PTPRK: variants seen among roughly 807,000 people sequenced by gnomAD.
PTPRK encodes the protein receptor-type tyrosine-protein phosphatase kappa.
PTPRK carries 75 observed loss-of-function variants against 178.0 expected under a neutral mutation model. The ratio of observed to expected loss-of-function variants is 0.42; its 90% CI spans 0.35 to 0.51. The LOEUF (loss-of-function observed/expected upper bound fraction) is 0.51, where lower values mean the gene tolerates loss of function less well. PTPRK is among the 20% of genes least tolerant of loss of function. PTPRK has a pLI of 0.02. For synonymous variants in PTPRK, 637 were observed against 620.6 expected, an observed-to-expected ratio of 1.03 and a Z score of -0.39; for missense variants, 1,441 against 1,797.8, an observed-to-expected ratio of 0.80 and a Z score of 3.59.
intron 3 of PTPRK, among the ~76,000 whole-genome samples, chr6:128,284,971 G>C (rs1432740397): frequency 2.0e-5 from 3 of 150,400 alleles, no homozygotes; most frequent in African/African-American, 7.5e-5. Flanking sequence ...TTATGGGCTA[G>C]CATTGTGTTA....
At position 128,519,105 on chromosome 6, in the gene PTPRK, A is replaced by C. The variant is rs1858555780; in HGVS notation, c.100+1154T>G. On this transcript the variant is annotated intron_variant, in intron 1 of 29. Coordinates refer to ENST00000368226, the MANE Select transcript of PTPRK (RefSeq NM_002844.4). This position sits in a 1 kb window ranked among gnomAD's most constrained non-coding sequence, Gnocchi z 4.3. ...CCACTGCGTCTCCATCTGCACCGCGAACCCCAGCAGCAGATGCGCTCGCCA... is the reference window on the plus strand; with the variant it reads ...CCACTGCGTCTCCATCTGCACCGCGCACCCCAGCAGCAGATGCGCTCGCCA... 1.9e-6 allele frequency: 1 copy of C among 530,914 alleles called. No homozygotes were observed. The highest frequency in any genetic ancestry group is 1.4e-5 in the South Asian group (1 of 70,804). The allele number at this position is 530,914 out of a possible 1,614,324, so 32.9% of individuals were successfully genotyped here. A position where few individuals can be genotyped will look rare whatever the true frequency, so the allele number is the denominator to read the frequency against.
At chr6:128,398,945 G>A (rs746090802) in intron 1 of PTPRK, among the ~76,000 whole-genome samples, 36 of 152,104 alleles carry the variant, frequency 2.4e-4, no homozygotes, top group Non-Finnish European at 4.7e-4. Flanking sequence ...AGGCACACAC[G>A]ACTCAACATA....
chr6:128,218,220 C>T (rs1809700600), intron 6 of PTPRK, among the ~76,000 whole-genome samples: 1 of 152,182 alleles, frequency 6.6e-6, no homozygotes, highest in African/African-American at 2.4e-5. Flanking sequence ...TGGGTAGGGA[C>T]ATTGTATTAC....
chr6:128,322,222 G>A lies in PTPRK; in HGVS notation c.312C>T (p.His104=). The part of the protein sequence containing the change: ...QLPTMKENDT[H]CIDFSYLLYS... ...ATAATAGGTAACTGAAATCAATGCA[G>A]TGAGTGTCGTTCTCCTTCATTGTAG... The change falls in exon 3 of 30, where the codon CAC becomes CAT. Residue 104 remains histidine, a synonymous_variant. Coordinates refer to ENST00000368226, the MANE Select transcript of PTPRK (RefSeq NM_002844.4). 1.2e-6 allele frequency: 2 copies of A among 1,613,770 alleles called. No homozygotes were observed. Among genetic ancestry groups the A allele is most frequent in the Non-Finnish European group, 1.7e-6 (2 of 1,179,732 alleles).
chr6:128,448,532 C>A (rs967049413), intron 1 of PTPRK, among the ~76,000 whole-genome samples: 1 of 152,146 alleles, frequency 6.6e-6, no homozygotes, highest in African/African-American at 2.4e-5. Context: ...CCTCAGCACT[C>A]AGCACAAAGC....
intron 3 of PTPRK, among the ~76,000 whole-genome samples, chr6:128,295,207 A>G (rs528906398): frequency 3.3e-4 from 51 of 152,250 alleles, no homozygotes; most frequent in African/African-American, 1.2e-3. Context: ...TTAACAGGTC[A>G]TAAAGTATGA....
intron 1 of PTPRK, among the ~76,000 whole-genome samples, chr6:128,469,929 C>G (rs1167823071): frequency 6.6e-6 from 1 of 152,156 alleles, no homozygotes; most frequent in Non-Finnish European, 1.5e-5. Context: ...CCCCTACAGA[C>G]TCCAGAAGGA....
intron 3 of PTPRK, among the ~76,000 whole-genome samples, chr6:128,242,942 GTTTAC>G (rs1281598290): frequency 2.0e-5 from 3 of 152,142 alleles, no homozygotes; most frequent in African/African-American, 7.2e-5. Context: ...CATTTTTGTT[GTTTAC>G]TTAACATACA....
At chr6:128,029,680 T>TC in intron 13 of PTPRK, among the ~76,000 whole-genome samples, 1 of 147,562 alleles carries the variant, frequency 6.8e-6, no homozygotes, top group Non-Finnish European at 1.5e-5. Flanking sequence ...ATAATAATAA[T>TC]AATAATAATC....
chr6:128,257,569 A>C (rs1445118042), intron 3 of PTPRK, among the ~76,000 whole-genome samples: 2 of 152,198 alleles, frequency 1.3e-5, no homozygotes, highest in East Asian at 3.8e-4. Context: ...TTTTAGTGCT[A>C]TATTAACATA....
chr6:128,040,347 T>G (rs1371362784), intron 13 of PTPRK, among the ~76,000 whole-genome samples: 1 of 152,058 alleles, frequency 6.6e-6, no homozygotes. Flanking sequence ...TCAGGGTGAA[T>G]AGAGGAAAGA....
Position 128,397,777 on chromosome 6 carries a change from TATA to T in PTPRK, c.101-92_101-90del, listed in dbSNP as rs1840512269. The T allele has an allele frequency of 1.3e-5, 17 of 1,267,830 alleles. No individual in the cohort carries two copies. In the Middle Eastern group the frequency reaches 2.0e-3, roughly 150 times the overall value. The allele number at this position is 1,267,830 out of a possible 1,614,324, so 78.5% of individuals were successfully genotyped here. Reference sequence around the variant, plus strand: ...GAGAAGGAAATGTTATATTGATATATATAATGTTACTCACAATCTTAATAATAA... The same window carrying T: ...GAGAAGGAAATGTTATATTGATATATATGTTACTCACAATCTTAATAATAA... On this transcript the variant is annotated intron_variant, in intron 1 of 29. Coordinates refer to ENST00000368226, the MANE Select transcript of PTPRK (RefSeq NM_002844.4).
chr6:128,251,514 G>A (rs1056022942), intron 3 of PTPRK, among the ~76,000 whole-genome samples: 12 of 152,154 alleles, frequency 7.9e-5, no homozygotes, highest in East Asian at 3.9e-4. Flanking sequence ...TCAAGACTTC[G>A]CATCAGGATT....
At chr6:128,440,214 T>G (rs959974512) in intron 1 of PTPRK, among the ~76,000 whole-genome samples, 7 of 152,132 alleles carry the variant, frequency 4.6e-5, no homozygotes, top group African/African-American at 1.7e-4. Context: ...TGGTATAAAT[T>G]AGCCTTTGGC....
chr6:128,264,967 TG>T (rs1818729834), intron 3 of PTPRK, among the ~76,000 whole-genome samples: 1 of 152,182 alleles, frequency 6.6e-6, no homozygotes, highest in South Asian at 2.1e-4. Context: ...CCTTCTGCCA[TG>T]ATTGTGAGAT....
chr6:128,157,097 G>A (rs1311497160), intron 7 of PTPRK, among the ~76,000 whole-genome samples: 1 of 152,034 alleles, frequency 6.6e-6, no homozygotes, highest in African/African-American at 2.4e-5. Flanking sequence ...TCTGAACTAT[G>A]ATGAGGCAGT....
Position 128,067,654 on chromosome 6 carries a change from G to GA in PTPRK, c.2021dup (p.Asn678LysfsTer4). Reference sequence around the variant, plus strand: ...CAGGCTCAGGTAGGTTTCCCGGGGGGAGTTCTGCAGCAAAGTAATACGGTG... The same window carrying GA: ...CAGGCTCAGGTAGGTTTCCCGGGGGGAAGTTCTGCAGCAAAGTAATACGGTG... On this transcript the variant is annotated frameshift_variant, in exon 12 of 30. Coordinates refer to ENST00000368226, the MANE Select transcript of PTPRK (RefSeq NM_002844.4). LOFTEE classifies it high-confidence loss of function. 6.2e-7 allele frequency: 1 copy of GA among 1,613,260 alleles called. No homozygotes were observed.
chr6:128,250,857 C>T (rs376003692), intron 3 of PTPRK, among the ~76,000 whole-genome samples: 1 of 152,110 alleles, frequency 6.6e-6, no homozygotes, highest in African/African-American at 2.4e-5. Flanking sequence ...CAGGTGATAC[C>T]AAAAGTGCAA....
At chr6:128,148,493 T>A (rs139106903) in intron 7 of PTPRK, among the ~76,000 whole-genome samples, 1 of 152,258 alleles carries the variant, frequency 6.6e-6, no homozygotes, top group Non-Finnish European at 1.5e-5. Context: ...ATGGCTGGGT[T>A]GGGATTATTG....
Sources: allele counts gnomAD v4.1 joint callset (sites outside exome capture counted in the v4.1 genomes callset), GRCh38; gene constraint gnomAD v4.1.1; non-coding constraint Gnocchi (gnomAD v3.1); transcripts MANE v1.5; gene names NCBI Gene and HGNC (gene_info 2026-07-23, HGNC 2026-07-21).